FAM83B: variants seen among roughly 807,000 people sequenced by gnomAD.
The protein encoded by FAM83B is scaffolding CK1 anchoring protein B, also known as protein FAM83B.
A neutral mutation model predicts 38.8 loss-of-function variants in FAM83B; 26 were observed. That is an observed-to-expected ratio of 0.67 (90% confidence interval 0.49 to 0.93). The LOEUF (loss-of-function observed/expected upper bound fraction) is 0.93. Ranked by LOEUF, FAM83B falls within the 40% of genes least tolerant of loss-of-function variation. The pLI is 0.00. For synonymous variants in FAM83B, 419 were observed against 423.1 expected (o/e 0.99, Z 0.12); for missense variants, 1,237 against 1,197.3 (o/e 1.03, Z -0.49).
chr6:54,937,594 T>C (rs1773552797), intron 4 of FAM83B, among the ~76,000 whole-genome samples: 1 of 152,056 alleles, frequency 6.6e-6, no homozygotes, highest in Admixed American at 6.6e-5. Flanking sequence ...ACTCTTAAAA[T>C]ACATGCATTA....
In FAM83B at chr6:54,926,415, C is replaced by A; in HGVS notation, c.489C>A (p.Phe163Leu). The A allele has an allele frequency of 6.2e-7, 1 of 1,607,804 alleles. No homozygotes were observed. The highest frequency in any genetic ancestry group is 1.7e-5 in the Admixed American group (1 of 59,790). The change falls in exon 3 of 5, where the codon TTC becomes TTA. Residue 163 changes from phenylalanine to leucine, a missense_variant. Transcript: ENST00000306858. The stretch of plus-strand genomic sequence containing the variant: ...ATATATTTACAGATGTGGACATTTT[C>A]AAAGAAATCGTTGAGGCATCAACTC... ...VMDIFTDVDI[F>L]KEIVEASTRG...
At chr6:54,885,489 AC>A (rs1419939960) in intron 2 of FAM83B, among the ~76,000 whole-genome samples, 4 of 152,046 alleles carry the variant, frequency 2.6e-5, no homozygotes, top group African/African-American at 7.2e-5. Flanking sequence ...CTGGATTGAT[AC>A]CCTTATTAAT....
At chr6:54,853,952 C>A (rs1249701726) in intron 1 of FAM83B, among the ~76,000 whole-genome samples, 1 of 152,148 alleles carries the variant, frequency 6.6e-6, no homozygotes, top group Non-Finnish European at 1.5e-5. Context: ...AAAATATCAA[C>A]ATTAACAGCA....
chr6:54,934,244 T>A (rs1773483618), intron 4 of FAM83B, among the ~76,000 whole-genome samples: 1 of 152,200 alleles, frequency 6.6e-6, no homozygotes, highest in Non-Finnish European at 1.5e-5. Flanking sequence ...GATCTATGAT[T>A]GCATCTAAGC....
At chr6:54,907,291 C>T (rs1471357990) in intron 2 of FAM83B, among the ~76,000 whole-genome samples, 1 of 151,882 alleles carries the variant, frequency 6.6e-6, no homozygotes, top group Non-Finnish European at 1.5e-5. Context: ...TAAGAATATG[C>T]TATTTTTCGT....
At chr6:54,899,521 C>T (rs1004546522) in intron 2 of FAM83B, among the ~76,000 whole-genome samples, 7 of 152,152 alleles carry the variant, frequency 4.6e-5, no homozygotes, top group Admixed American at 2.6e-4. Context: ...AGCTTTTAAA[C>T]AGCAGGTATT....
At chr6:54,884,609 A>G (rs1374615709) in intron 2 of FAM83B, among the ~76,000 whole-genome samples, 1 of 151,854 alleles carries the variant, frequency 6.6e-6, no homozygotes, top group African/African-American at 2.4e-5. Flanking sequence ...TGATTTCCAT[A>G]TGAATATGCA....
chr6:54,879,875 C>T (rs957833547), intron 2 of FAM83B, among the ~76,000 whole-genome samples: 2 of 152,132 alleles, frequency 1.3e-5, no homozygotes, highest in African/African-American at 4.8e-5. Context: ...CTGAAGCTGA[C>T]GTCCAATAGC....
At chr6:54,935,786 T>G (rs1773512705) in intron 4 of FAM83B, among the ~76,000 whole-genome samples, 1 of 152,216 alleles carries the variant, frequency 6.6e-6, no homozygotes, top group South Asian at 2.1e-4. Flanking sequence ...GGGATAGGAC[T>G]GATTTGTGAG....
chr6:54,930,556 T>C (rs1773396412), intron 4 of FAM83B, among the ~76,000 whole-genome samples: 1 of 152,132 alleles, frequency 6.6e-6, no homozygotes, highest in African/African-American at 2.4e-5. Context: ...TAATTCTAAG[T>C]CATTTATGGC....
intron 2 of FAM83B, among the ~76,000 whole-genome samples, chr6:54,899,413 T>A (rs1351174485): frequency 6.6e-6 from 1 of 152,226 alleles, no homozygotes; most frequent in Non-Finnish European, 1.5e-5. Flanking sequence ...ACATTTTATC[T>A]TTCGTTATAC....
rs1363713279 is a variant in FAM83B, at chr6:54,913,359, T to C, written c.445-13012T>C. 2.0e-5 allele frequency among the ~76,000 whole-genome samples: 3 copies of C among 152,268 alleles called. No homozygotes were observed. In the South Asian group the frequency reaches 6.2e-4, roughly 32 times the overall value. ...GCCACTATTTAATGCTTCCTTACCA[T>C]GTGCTACTGCTCTAACAACTTGGTA... On this transcript the variant is annotated intron_variant, in intron 2 of 4. Coordinates refer to ENST00000306858, the MANE Select transcript of FAM83B (RefSeq NM_001010872.3).
chr6:54,904,981 C>T lies in FAM83B; in HGVS notation c.445-21390C>T, dbSNP rs191476442. Among the ~76,000 whole-genome samples, 427 of 152,268 alleles carry T rather than the reference C, an allele frequency of 2.8e-3. 2 individuals are homozygous for T. Among genetic ancestry groups the T allele is most frequent in the African/African-American group, 9.7e-3 (405 of 41,558 alleles). ...CAACGATCTGTAAAGAAAGGAAAGA[C>T]ATTCTGGCAAGTTGTAAAATGATTG... On this transcript the variant is annotated intron_variant, in intron 2 of 4. Transcript: ENST00000306858.
At chr6:54,911,068 C>A (rs532334281) in intron 2 of FAM83B, among the ~76,000 whole-genome samples, 1 of 151,520 alleles carries the variant, frequency 6.6e-6, no homozygotes, top group South Asian at 2.1e-4. Flanking sequence ...TTTTCTTAGT[C>A]TGTTTTCTAT....
chr6:54,880,872 T>G (rs543842569), intron 2 of FAM83B, among the ~76,000 whole-genome samples: 4 of 152,072 alleles, frequency 2.6e-5, no homozygotes, highest in African/African-American at 9.7e-5. Flanking sequence ...TGTTAGAAAT[T>G]TTCTTACCTA....
chr6:54,941,121 T>TGGAGGAGGA lies in FAM83B; in HGVS notation c.2151_2159dup (p.Glu719_Asp720insGluGluGlu), dbSNP rs1260631714. 15 of 1,613,658 alleles carry TGGAGGAGGA rather than the reference T, an allele frequency of 9.3e-6. No individual in the cohort carries two copies. Among genetic ancestry groups the TGGAGGAGGA allele is most frequent in the Non-Finnish European group, 1.2e-5 (14 of 1,179,942 alleles). ...AGCATGCACAATGTGACTCATAACT[T>TGGAGGAGGA]GGAGGAGGATGAGGAGGAAGTTACC... On this transcript the variant is annotated inframe_insertion, in exon 5 of 5. Coordinates refer to ENST00000306858, the MANE Select transcript of FAM83B (RefSeq NM_001010872.3).
rs754974713 is a variant in FAM83B at position 54,870,349 on chromosome 6, C to T, written c.103C>T (p.Leu35=). 1 of 1,613,986 alleles carries T rather than the reference C, an allele frequency of 6.2e-7. No homozygotes were observed. The highest frequency in any genetic ancestry group is 8.5e-7 in the Non-Finnish European group (1 of 1,179,916). The change falls in exon 2 of 5, where the codon CTG becomes TTG. Residue 35 remains leucine (L), a synonymous_variant. Transcript: ENST00000306858. The stretch of plus-strand genomic sequence containing the variant: ...ATGGTATCGAGTAGCCATTGATATT[C>T]TGATTGAACACGGGTTAGAAGCATA... ...KEWYRVAIDI[L]IEHGLEAYQE...
chr6:54,941,359 CTTTTATAGA>C lies in FAM83B; in HGVS notation c.2391_2399del (p.Phe797_Arg799del). On this transcript the variant is annotated inframe_deletion, in exon 5 of 5. Coordinates refer to ENST00000306858, the MANE Select transcript of FAM83B (RefSeq NM_001010872.3). ...ATCTATCCAAAAATAAAGCACCTGC[CTTTTATAGA>C]TTGTGTAGTAGCTCTGACACATTAG... 1 of 1,613,468 alleles carries C rather than the reference CTTTTATAGA, an allele frequency of 6.2e-7. No homozygotes were observed. Among genetic ancestry groups the C allele is most frequent in the South Asian group, 1.1e-5 (1 of 90,882 alleles).
chr6:54,921,449 G>T (rs1011960625), intron 2 of FAM83B, among the ~76,000 whole-genome samples: 2 of 151,862 alleles, frequency 1.3e-5, no homozygotes, highest in African/African-American at 4.8e-5. Context: ...CTCGGAGACC[G>T]TTAATACTAA....
Sources: allele counts gnomAD v4.1 joint callset (sites outside exome capture counted in the v4.1 genomes callset), GRCh38; gene constraint gnomAD v4.1.1; transcripts MANE v1.5; gene names NCBI Gene and HGNC (gene_info 2026-07-23, HGNC 2026-07-21).